Variants in ZNF451 observed in about 807,000 individuals in gnomAD.
ZNF451 encodes E3 SUMO-protein ligase ZNF451.
ZNF451 carries 80 observed loss-of-function variants against 107.1 expected under a neutral mutation model. The ratio of observed to expected loss-of-function variants is 0.75; its 90% CI spans 0.62 to 0.90. The LOEUF (loss-of-function observed/expected upper bound fraction) is 0.90, where lower values mean the gene tolerates loss of function less well. ZNF451 is among the 40% of genes least tolerant of loss of function. ZNF451 has a pLI of 0.00. For synonymous variants in ZNF451, 362 were observed against 406.5 expected (o/e 0.89, Z 1.32); for missense variants, 1,107 against 1,236.2 (o/e 0.90, Z 1.57).
intron 7 of ZNF451, among the ~76,000 whole-genome samples, chr6:57,136,764 T>C (rs1831449302): frequency 1.3e-5 from 2 of 152,198 alleles, no homozygotes; most frequent in Non-Finnish European, 2.9e-5. Flanking sequence ...GAGTAGGTAG[T>C]TTAAAATGAA....
At chr6:57,159,243 C>T (rs749968250) in intron 13 of ZNF451, 83 of 985,290 alleles carry the variant, frequency 8.4e-5, no homozygotes, top group Non-Finnish European at 1.0e-4. Flanking sequence ...AACCCCATGT[C>T]AAGTTAATCC....
At chr6:57,132,933 C>A in intron 5 of ZNF451, 109 bp from the exon 6 acceptor site, 1 of 1,013,344 alleles carries the variant, frequency 9.9e-7, no homozygotes, top group Non-Finnish European at 1.4e-6. Context: ...TAGCATCATC[C>A]AGTTGATGCT....
chr6:57,104,508 C>G (rs1014615470), intron 3 of ZNF451: 1 of 984,892 alleles, frequency 1.0e-6, no homozygotes, highest in African/African-American at 1.8e-5. Flanking sequence ...TAAACTAAAC[C>G]GAAATAAGTT....
chr6:57,128,787 A>T lies in ZNF451; in HGVS notation c.371A>T (p.His124Leu). 1.2e-6 allele frequency: 2 copies of T among 1,613,288 alleles called. No individual in the cohort carries two copies. Among genetic ancestry groups the T allele is most frequent in the Non-Finnish European group, 1.7e-6 (2 of 1,179,534 alleles). The change falls in exon 5 of 15, where the codon CAT (histidine) becomes CTT (leucine). Residue 124 changes from histidine (H) to leucine (L), a missense_variant. This residue lies in a region of ZNF451 where 339 missense variants were observed against 372.8 expected (regional missense o/e 0.91). Coordinates refer to ENST00000370706, the MANE Select transcript of ZNF451 (RefSeq NM_001031623.3). ...GLQELEFIRGHSDTEAARLCV... is the reference protein window; with the variant it reads ...GLQELEFIRGLSDTEAARLCV... The stretch of plus-strand genomic sequence containing the variant: ...CAAGAATTGGAATTTATTCGAGGAC[A>T]TTCTGATACAGAAGCAGCAAGACTG...
chr6:57,135,099 A>C (rs568071405), intron 7 of ZNF451, among the ~76,000 whole-genome samples: 2 of 152,276 alleles, frequency 1.3e-5, no homozygotes, highest in East Asian at 1.9e-4. Context: ...AAATCCTTTC[A>C]TGGAGTTGCT....
In ZNF451 at chr6:57,168,720, C is replaced by A. The variant is rs2127990678; in HGVS notation, c.*251C>A. The A allele has an allele frequency of 5.5e-6, 2 of 365,446 alleles. No homozygotes were observed. The highest frequency in any genetic ancestry group is 5.1e-5 in the South Asian group (1 of 19,462). The allele number at this position is 365,446 out of a possible 1,614,324, so 22.6% of individuals were successfully genotyped here. A position where few individuals can be genotyped will look rare whatever the true frequency, so the allele number is the denominator to read the frequency against. ...TATTCTAATATAGGTGTAACAGTTT[C>A]CCAGTTAACTTTGAATTTATATATT... On this transcript the variant is annotated 3_prime_UTR_variant, in exon 15 of 15. Coordinates refer to ENST00000370706, the MANE Select transcript of ZNF451 (RefSeq NM_001031623.3).
chr6:57,154,809 A>C lies in ZNF451; in HGVS notation c.3070+762A>C, dbSNP rs532010762. 1.6e-4 allele frequency among the ~76,000 whole-genome samples: 25 copies of C among 152,342 alleles called. No homozygotes were observed. The South Asian group carries it at 4.8e-3, about 29-fold the overall frequency. On this transcript the variant is annotated intron_variant, in intron 13 of 14. Transcript: ENST00000370706. ...TCATGAATAAGGTTTGAAGATATTA[A>C]TGAATTACCTTAATGAAAAATAGTG...
At position 57,142,047 on chromosome 6, in the gene ZNF451, C is replaced by G. The variant is rs767093211; in HGVS notation, c.956C>G (p.Ala319Gly). 2 of 1,613,854 alleles carry G rather than the reference C, an allele frequency of 1.2e-6. No individual in the cohort carries two copies. Among genetic ancestry groups the G allele is most frequent in the African/African-American group, 2.7e-5 (2 of 74,944 alleles). ...KDVPFQVKCV[A>G]CHKTLRSHME... ...GTTCCCTTTCAAGTTAAGTGTGTGG[C>G]CTGCCACAAGACACTGCGTTCCCAC... The change falls in exon 9 of 15, where the codon GCC (alanine) becomes GGC (glycine). Residue 319 changes from alanine to glycine, a missense_variant. Transcript: ENST00000370706.
Position 57,102,226 on chromosome 6 carries a change from G to A in ZNF451, c.186+3085G>A, listed in dbSNP as rs775687884. On this transcript the variant is annotated intron_variant, in intron 3 of 14. Transcript: ENST00000370706. ...TGGATGCATGTCTGGAATGATCACA[G>A]CTGACATTTGAATTCTAGACTTTTG... 341 of 1,392,888 alleles carry A rather than the reference G, an allele frequency of 2.4e-4. 1 individual carries two copies. The highest frequency in any genetic ancestry group is 7.9e-4 in the Middle Eastern group (3 of 3,802). 86.3% of individuals were successfully genotyped at this position (1,392,888 alleles called of 1,614,324 possible). A position where few individuals can be genotyped will look rare whatever the true frequency, so the allele number is the denominator to read the frequency against.
In ZNF451 at chr6:57,161,070, ATTC is replaced by A. The variant is rs1763651425; in HGVS notation, c.3071-8_3071-6del. Reference sequence around the variant, plus strand: ...TATGGCACAATAACTGCATGTATTGATTCTTCTTTACAGAATGTGACAGTGATG... The same window carrying A: ...TATGGCACAATAACTGCATGTATTGATTCTTTACAGAATGTGACAGTGATG... On this transcript the variant is annotated splice_polypyrimidine_tract_variant and intron_variant, in intron 13 of 14. Transcript: ENST00000370706. 3 of 1,523,686 alleles carry A rather than the reference ATTC, an allele frequency of 2.0e-6. No homozygotes were observed. Among genetic ancestry groups the A allele is most frequent in the African/African-American group, 2.8e-5 (2 of 70,806 alleles). The allele number at this position is 1,523,686 out of a possible 1,614,324, so 94.4% of individuals were successfully genotyped here. A position where few individuals can be genotyped will look rare whatever the true frequency, so the allele number is the denominator to read the frequency against.
intron 3 of ZNF451, among the ~76,000 whole-genome samples, chr6:57,122,204 C>T (rs1413085074): frequency 6.6e-6 from 1 of 152,040 alleles, no homozygotes; most frequent in African/African-American, 2.4e-5. Flanking sequence ...AAAATTAGAC[C>T]TCTCACCATA....
At chr6:57,159,109 A>G in intron 13 of ZNF451, 2 of 985,406 alleles carry the variant, frequency 2.0e-6, no homozygotes, top group African/African-American at 3.5e-5. Context: ...CATTATAAAA[A>G]TATGTTGATA....
chr6:57,147,873 C>T lies in ZNF451; in HGVS notation c.1788C>T (p.Ser596=). 1 of 1,614,072 alleles carries T rather than the reference C, an allele frequency of 6.2e-7. No homozygotes were observed. The highest frequency in any genetic ancestry group is 1.3e-5 in the African/African-American group (1 of 75,014). The change falls in exon 10 of 15, where the codon TCC becomes TCT. Residue 596 remains serine, a synonymous_variant. Transcript: ENST00000370706. ...CAGCTATTACTGTTATTGATCATTC[C>T]CCGGCAAATAGTTCTCCGAGGGGTA... ...PSSAITVIDH[S]PANSSPRGKW...
intron 2 of ZNF451, among the ~76,000 whole-genome samples, chr6:57,097,963 TTTA>T (rs545341343): frequency 1.9e-4 from 28 of 146,762 alleles, no homozygotes; most frequent in Non-Finnish European, 3.5e-4. Flanking sequence ...TATTTATATA[TTTA>T]TTATTATTAT....
chr6:57,170,209 G>A lies in ZNF451; in HGVS notation c.*1740G>A, dbSNP rs184645942. On this transcript the variant is annotated 3_prime_UTR_variant, in exon 15 of 15. Coordinates refer to ENST00000370706, the MANE Select transcript of ZNF451 (RefSeq NM_001031623.3). ...AAAATCATCTTAAAATTCATACTTT[G>A]ACTTTAATTTAGACACAAGGAGATG... 128 of 152,282 alleles carry A rather than the reference G, an allele frequency of 8.4e-4. No homozygotes were observed. Among genetic ancestry groups the A allele is most frequent in the Admixed American group, 1.4e-3 (22 of 15,296 alleles). 9.4% of individuals were successfully genotyped at this position (152,282 alleles called of 1,614,324 possible). A position where few individuals can be genotyped will look rare whatever the true frequency, so the allele number is the denominator to read the frequency against.
At chr6:57,152,096 C>T (rs1014275961) in intron 11 of ZNF451, 125 bp from the exon 12 acceptor site, 62 of 774,860 alleles carry the variant, frequency 8.0e-5, no homozygotes, top group Non-Finnish European at 1.1e-4. Flanking sequence ...TGGAGTTCTT[C>T]CACATTCTGA....
intron 3 of ZNF451, chr6:57,103,092 G>C: frequency 1.0e-6 from 1 of 985,386 alleles, no homozygotes; most frequent in Middle Eastern, 5.2e-4. Context: ...GCACATCAGT[G>C]CCCTGGAAAT....
intron 3 of ZNF451, among the ~76,000 whole-genome samples, chr6:57,118,590 C>T (rs1830482275): frequency 6.6e-6 from 1 of 152,128 alleles, no homozygotes; most frequent in Non-Finnish European, 1.5e-5. Context: ...TCAAGCAATC[C>T]TCCTGCCTCA....
intron 3 of ZNF451, chr6:57,105,750 A>C: frequency 4.1e-6 from 4 of 985,334 alleles, no homozygotes; most frequent in Non-Finnish European, 4.8e-6. Flanking sequence ...ATGATAACAC[A>C]ACTTATATTT....
Sources: gnomAD v4.1 joint callset for allele counts (sites outside exome capture counted in the v4.1 genomes callset) on GRCh38, gnomAD v4.1.1 for gene constraint, gnomAD v4.1.1 regional missense constraint, MANE v1.5 for transcripts, NCBI Gene and HGNC (gene_info 2026-07-23, HGNC 2026-07-21) for gene names.